LINGO2: variants seen among roughly 807,000 people sequenced by gnomAD.
LINGO2 encodes leucine rich repeat and Ig domain containing 2.
Under a neutral mutation model 30.6 loss-of-function variants are expected in LINGO2, and 14 were observed. The observed-to-expected ratio is 0.46, with a 90% CI of 0.30 to 0.72. The LOEUF is 0.72. LINGO2 is among the 30% of genes least tolerant of loss of function. The pLI is 0.07. For missense variants in LINGO2, 729 were observed against 751.7 expected, an observed-to-expected ratio of 0.97 and a Z score of 0.35; for synonymous variants, 317 against 288.5, an observed-to-expected ratio of 1.10 and a Z score of -1.00.
chr9:28,683,851 C>A, the LINGO2 span, among the ~76,000 whole-genome samples: 1 of 152,128 alleles, frequency 6.6e-6, no homozygotes, highest in East Asian at 1.9e-4. Flanking sequence ...ATAGTAGATG[C>A]TCATTAGATA....
intron 2 of LINGO2, among the ~76,000 whole-genome samples, chr9:28,377,521 G>C (rs1821178017): frequency 6.6e-6 from 1 of 152,128 alleles, no homozygotes; most frequent in South Asian, 2.1e-4. Flanking sequence ...GAGTAGAAAA[G>C]TTATACACAG....
chr9:28,935,504 T>C, the LINGO2 span, among the ~76,000 whole-genome samples: 1 of 152,120 alleles, frequency 6.6e-6, no homozygotes. Context: ...ATACAAAAAC[T>C]AGAAATCTAT....
the LINGO2 span, among the ~76,000 whole-genome samples, chr9:28,861,682 T>C: frequency 6.6e-6 from 1 of 151,910 alleles, no homozygotes; most frequent in African/African-American, 2.4e-5. Context: ...GATGATTGCT[T>C]GAACCCAGGA....
the LINGO2 span, among the ~76,000 whole-genome samples, chr9:28,853,842 G>A: frequency 6.6e-6 from 1 of 151,820 alleles, no homozygotes; most frequent in African/African-American, 2.4e-5. Context: ...GGGGATTATG[G>A]GGATTATAAT....
chr9:28,387,786 C>T (rs1293711771), intron 2 of LINGO2, among the ~76,000 whole-genome samples: 2 of 152,136 alleles, frequency 1.3e-5, no homozygotes, highest in African/African-American at 4.8e-5. Context: ...CCTTTATGAA[C>T]TGTAACACTC....
chr9:28,505,898 C>T (rs1820090226), intron 1 of LINGO2, among the ~76,000 whole-genome samples: 1 of 151,824 alleles, frequency 6.6e-6, no homozygotes, highest in Non-Finnish European at 1.5e-5. Context: ...ATGACTTCAA[C>T]TAAATAACAT....
chr9:28,926,182 C>T, the LINGO2 span, among the ~76,000 whole-genome samples: 109 of 152,156 alleles, frequency 7.2e-4, 3 homozygotes, highest in Admixed American at 7.9e-4. Context: ...GGGACAGTGG[C>T]GCATGCCTGT....
chr9:28,418,408 C>G (rs1418382267), intron 2 of LINGO2, among the ~76,000 whole-genome samples: 1 of 150,818 alleles, frequency 6.6e-6, no homozygotes, highest in African/African-American at 2.4e-5. Flanking sequence ...CCTCCTGAGT[C>G]GCTAGGATTA....
At chr9:28,797,459 C>T in the LINGO2 span, among the ~76,000 whole-genome samples, 1 of 149,684 alleles carries the variant, frequency 6.7e-6, no homozygotes, top group Admixed American at 6.7e-5. Flanking sequence ...TGATGACACT[C>T]GTGTCCTGTG....
At chr9:29,016,032 AT>A in the LINGO2 span, among the ~76,000 whole-genome samples, 2 of 152,110 alleles carry the variant, frequency 1.3e-5, no homozygotes, top group African/African-American at 2.4e-5. Context: ...TCAATCCTTA[AT>A]ATTGTGCCTT....
the LINGO2 span, among the ~76,000 whole-genome samples, chr9:28,721,041 T>C: frequency 6.6e-6 from 1 of 152,040 alleles, no homozygotes; most frequent in African/African-American, 2.4e-5. Flanking sequence ...AAGAAGACAT[T>C]TATGTGGCCA....
At chr9:28,726,844 A>G in the LINGO2 span, among the ~76,000 whole-genome samples, 1 of 152,112 alleles carries the variant, frequency 6.6e-6, no homozygotes, top group African/African-American at 2.4e-5. Context: ...TCCATTTGGT[A>G]CCTCTCCACC....
At chr9:28,426,389 T>C (rs1823415077) in intron 2 of LINGO2, among the ~76,000 whole-genome samples, 1 of 152,130 alleles carries the variant, frequency 6.6e-6, no homozygotes, top group East Asian at 1.9e-4. Flanking sequence ...AGTAACATTT[T>C]GCTCATGTTT....
At chr9:28,912,211 GA>G in the LINGO2 span, among the ~76,000 whole-genome samples, 2 of 152,050 alleles carry the variant, frequency 1.3e-5, no homozygotes, top group Non-Finnish European at 2.9e-5. Context: ...CCTATAAAGT[GA>G]AAAATGAAAA....
chr9:28,557,713 C>A (rs1291526304), intron 1 of LINGO2, among the ~76,000 whole-genome samples: 2 of 151,098 alleles, frequency 1.3e-5, no homozygotes, highest in East Asian at 3.9e-4. Flanking sequence ...TTTATTGCGG[C>A]ATTATTCACA....
chr9:28,160,325 CA>C (rs1240956951), intron 4 of LINGO2, among the ~76,000 whole-genome samples: 1 of 152,102 alleles, frequency 6.6e-6, no homozygotes, highest in Non-Finnish European at 1.5e-5. Flanking sequence ...CCTCATTAAA[CA>C]GAGTAATGAC....
rs1006788558 is a variant in LINGO2, at chr9:28,545,072, A to G, written c.-364-69047T>C. Among the ~76,000 whole-genome samples the G allele has an allele frequency of 2.3e-4, 35 of 152,158 alleles. 1 individual carries two copies. Among genetic ancestry groups the G allele is most frequent in the African/African-American group, 8.2e-4 (34 of 41,554 alleles). On this transcript the variant is annotated intron_variant, in intron 1 of 5. Coordinates refer to ENST00000379992, the Ensembl canonical transcript of LINGO2. ...ATTTGAGAATTATTCTCTGCACTTT[A>G]CAGATGAGCAAGGGAGGCTTGCTAA...
chr9:28,613,895 G>A (rs1023630676), intron 1 of LINGO2, among the ~76,000 whole-genome samples: 2 of 152,068 alleles, frequency 1.3e-5, no homozygotes, highest in African/African-American at 4.8e-5. Context: ...AATTTGAATT[G>A]ACATTAAAAA....
chr9:28,729,462 G>A, the LINGO2 span, among the ~76,000 whole-genome samples: 1 of 151,780 alleles, frequency 6.6e-6, no homozygotes, highest in Non-Finnish European at 1.5e-5. Flanking sequence ...AAGAGGGAGA[G>A]GAAGTTTTCA....
Sources: allele counts gnomAD v4.1 joint callset (sites outside exome capture counted in the v4.1 genomes callset), GRCh38; gene constraint gnomAD v4.1.1; transcripts MANE v1.5; gene names NCBI Gene and HGNC (gene_info 2026-07-23, HGNC 2026-07-21).